FBXO17: variants seen among roughly 807,000 people sequenced by gnomAD.
The protein encoded by FBXO17 is F-box protein 17, also known as F-box only protein 17.
In FBXO17, 43 loss-of-function variants were observed where a neutral mutation model predicts 34.1. The ratio of observed to expected loss-of-function variants is 1.26; its 90% confidence interval spans 0.99 to 1.62. FBXO17 has a LOEUF of 1.62. Ranked by LOEUF, FBXO17 falls within the 40% of genes most tolerant of loss-of-function variation. The probability of loss-of-function intolerance (pLI) is 0.00; values close to 1 mark genes in which losing one functional copy is unlikely to be tolerated. For synonymous variants in FBXO17, 169 were observed against 166.0 expected (o/e 1.02, Z -0.14); for missense variants, 424 against 386.7 (o/e 1.10, Z -0.81).
At chr19:38,946,219 C>T in intron 4 of FBXO17, 1 of 572,312 alleles carries the variant, frequency 1.7e-6, no homozygotes, top group Non-Finnish European at 3.0e-6. Context: ...GGGTATCAAG[C>T]CAGTCAGTGG....
chr19:38,953,382 G>A (rs181826887), intron 1 of FBXO17, among the ~76,000 whole-genome samples: 37 of 151,608 alleles, frequency 2.4e-4, no homozygotes, highest in Non-Finnish European at 5.0e-4. Context: ...GAGGGTTTGG[G>A]CTGGGCACGG....
chr19:38,971,388 C>T (rs1220477518), intron 1 of FBXO17, among the ~76,000 whole-genome samples: 4 of 152,268 alleles, frequency 2.6e-5, no homozygotes, highest in Middle Eastern at 3.4e-3. Flanking sequence ...TAGGAAAAAA[C>T]AAGGCGAAAC....
intron 1 of FBXO17, among the ~76,000 whole-genome samples, chr19:38,974,562 GGGA>G (rs2144850334): frequency 6.6e-6 from 1 of 152,256 alleles, no homozygotes; most frequent in South Asian, 2.1e-4. Context: ...TGATTATATA[GGGA>G]GGAGGAAAAC....
chr19:38,965,341 T>C (rs1975305577), intron 1 of FBXO17, among the ~76,000 whole-genome samples: 1 of 151,570 alleles, frequency 6.6e-6, no homozygotes, highest in East Asian at 1.9e-4. Flanking sequence ...TTTCTTTTTT[T>C]TTTTTGAGAT....
At position 38,950,171 on chromosome 19, in the gene FBXO17, C is replaced by G; in HGVS notation, c.149G>C (p.Arg50Pro). The change falls in exon 2 of 6, where the codon CGC (arginine) becomes CCC (proline). Residue 50 changes from arginine to proline, a missense_variant. Transcript: ENST00000292852. ...CACAGTGGGCCCGTCCACTATGTCG[C>G]GCCAGGCGCGGCACACTGGGCGGCA... is the stretch of plus-strand genomic sequence containing the variant. ...TRCRPVCRAW[R>P]DIVDGPTVWL... is the part of the protein sequence containing the mutation. 6.4e-7 allele frequency: 1 copy of G among 1,559,574 alleles called. No individual in the cohort carries two copies. Among genetic ancestry groups the G allele is most frequent in the Non-Finnish European group, 8.6e-7 (1 of 1,158,868 alleles).
chr19:38,945,654 T>C (rs1163506052), intron 4 of FBXO17: 4 of 50,092 alleles, frequency 8.0e-5, no homozygotes, highest in Non-Finnish European at 1.4e-4. Context: ...GGTCCTGGGG[T>C]GGAACCAGAG....
chr19:38,974,033 CAT>C (rs34636219), intron 1 of FBXO17, among the ~76,000 whole-genome samples: 47,118 of 135,856 alleles, frequency 0.35, 8,195 homozygotes, highest in South Asian at 0.51. Context: ...TATATATATA[CAT>C]ATATATATAT....
intron 5 of FBXO17, chr19:38,944,714 C>T: frequency 2.0e-6 from 1 of 498,930 alleles, no homozygotes; most frequent in Non-Finnish European, 3.5e-6. Context: ...GCTGCATTTC[C>T]AGCACATAGA....
In FBXO17 at chr19:38,944,863, T is replaced by A. The variant is rs532517993; in HGVS notation, c.693+106A>T. ...AGGGCTCGATACTTCTTAGCTGTTA[T>A]GATTATAGATATCCAGGAGTGACAG... is the stretch of plus-strand genomic sequence containing the variant. On this transcript the variant is annotated intron_variant, in intron 5 of 5. Transcript: ENST00000292852. The A allele has an allele frequency of 3.1e-4, 456 of 1,485,118 alleles. 1 individual carries two copies. Among genetic ancestry groups the A allele is most frequent in the Middle Eastern group, 1.3e-3 (7 of 5,266 alleles). The allele number at this position is 1,485,118 out of a possible 1,614,324, so 92.0% of individuals were successfully genotyped here. A position where few individuals can be genotyped will look rare whatever the true frequency, so the allele number is the denominator to read the frequency against.
intron 3 of FBXO17, among the ~76,000 whole-genome samples, chr19:38,948,171 TC>T (rs1245054618): frequency 6.6e-6 from 1 of 151,728 alleles, no homozygotes; most frequent in Non-Finnish European, 1.5e-5. Context: ...AGACGGGGTT[TC>T]CCCCTGTTGG....
chr19:38,953,539 T>A (rs995265478), intron 1 of FBXO17, among the ~76,000 whole-genome samples: 2 of 152,060 alleles, frequency 1.3e-5, no homozygotes, highest in African/African-American at 4.8e-5. Flanking sequence ...GGCGCACCTG[T>A]AATCCCAGCT....
intron 4 of FBXO17, 175 bp downstream of exon 4, chr19:38,946,297 T>C: frequency 8.8e-7 from 1 of 1,136,238 alleles, no homozygotes; most frequent in Non-Finnish European, 1.2e-6. Context: ...GGCTCTGGCT[T>C]CTCCAAAGCT....
intron 5 of FBXO17, 67 bp downstream of exon 5, chr19:38,944,901 GC>G: frequency 6.3e-7 from 1 of 1,587,152 alleles, no homozygotes. Context: ...GGGAAACCGA[GC>G]AGACGAGAGG....
chr19:38,951,275 C>T (rs1456685625), intron 1 of FBXO17, among the ~76,000 whole-genome samples: 1 of 152,128 alleles, frequency 6.6e-6, no homozygotes, highest in East Asian at 1.9e-4. Context: ...GAGTGATCCT[C>T]CTGCCTCAGC....
chr19:38,949,214 G>T (rs1207016522), intron 2 of FBXO17, among the ~76,000 whole-genome samples: 2 of 152,018 alleles, frequency 1.3e-5, no homozygotes, highest in Non-Finnish European at 2.9e-5. Flanking sequence ...CAATTTTCCT[G>T]CCTCAGCCTC....
intron 5 of FBXO17, among the ~76,000 whole-genome samples, 179 bp from the exon 6 acceptor site, chr19:38,942,930 G>A (rs1260832360): frequency 6.6e-6 from 1 of 152,226 alleles, no homozygotes. Context: ...TCTAGCAGGG[G>A]GCCCAGACAC....
At chr19:38,953,069 A>C (rs899758749) in intron 1 of FBXO17, among the ~76,000 whole-genome samples, 15 of 152,150 alleles carry the variant, frequency 9.9e-5, no homozygotes, top group African/African-American at 3.6e-4. Context: ...TGGGAGGGCA[A>C]GGTGGGAGGA....
intron 1 of FBXO17, among the ~76,000 whole-genome samples, chr19:38,965,173 G>A (rs1402234456): frequency 6.6e-6 from 1 of 151,980 alleles, no homozygotes; most frequent in Non-Finnish European, 1.5e-5. Context: ...GACCCCAGAG[G>A]AAACAGACAA....
At chr19:38,973,101 G>A (rs908581597) in intron 1 of FBXO17, among the ~76,000 whole-genome samples, 6 of 152,188 alleles carry the variant, frequency 3.9e-5, no homozygotes, top group African/African-American at 1.2e-4. Context: ...CTGGCCAGGC[G>A]TGGTGGCTCA....
Sources: allele counts gnomAD v4.1 joint callset (sites outside exome capture counted in the v4.1 genomes callset), GRCh38; gene constraint gnomAD v4.1.1; transcripts MANE v1.5; gene names NCBI Gene and HGNC (gene_info 2026-07-23, HGNC 2026-07-21).